The following ERN1 variants were observed in gnomAD, a reference collection of about 807,000 sequenced individuals.
The protein encoded by ERN1 is endoplasmic reticulum to nucleus signaling 1.
In ERN1, 39 loss-of-function variants were observed where a neutral mutation model predicts 113.1. The ratio of observed to expected loss-of-function variants is 0.34; its 90% CI spans 0.27 to 0.45. The LOEUF (loss-of-function observed/expected upper bound fraction) is 0.45, where lower values mean the gene tolerates loss of function less well. Ranked by LOEUF, ERN1 falls within the 20% of genes least tolerant of loss-of-function variation. The pLI is 1.00. For synonymous variants in ERN1, 507 were observed against 515.9 expected, an observed-to-expected ratio of 0.98 and a Z score of 0.23; for missense variants, 976 against 1,274.8, an observed-to-expected ratio of 0.77 and a Z score of 3.57.
At chr17:64,066,282 G>C (rs1343626020) in intron 8 of ERN1, among the ~76,000 whole-genome samples, 1 of 152,098 alleles carries the variant, frequency 6.6e-6, no homozygotes, top group South Asian at 2.1e-4. Context: ...ACTTACACTG[G>C]CAGTCTCTTT....
chr17:64,057,129 G>A (rs1389818532), intron 12 of ERN1, among the ~76,000 whole-genome samples: 1 of 151,908 alleles, frequency 6.6e-6, no homozygotes, highest in Non-Finnish European at 1.5e-5. Flanking sequence ...TCTTTTTTTG[G>A]TTCTTCTCCC....
At chr17:64,088,677 T>A (rs1333983691) in intron 2 of ERN1, among the ~76,000 whole-genome samples, 1 of 152,084 alleles carries the variant, frequency 6.6e-6, no homozygotes, top group Non-Finnish European at 1.5e-5. Context: ...AGAAGGGAGC[T>A]TATGGTTTGA....
intron 20 of ERN1, among the ~76,000 whole-genome samples, 189 bp downstream of exon 20, chr17:64,045,170 C>G (rs914514083): frequency 1.3e-5 from 2 of 152,012 alleles, no homozygotes; most frequent in African/African-American, 4.8e-5. Context: ...TCACCTGTCA[C>G]TCTAGGGAAC....
chr17:64,123,579 T>C (rs1395760087), intron 1 of ERN1, among the ~76,000 whole-genome samples: 1 of 152,154 alleles, frequency 6.6e-6, no homozygotes, highest in Non-Finnish European at 1.5e-5. Context: ...TTAAGGTTAG[T>C]TTTGTTTTTA....
At chr17:64,056,096 G>A in intron 12 of ERN1, 148 bp from the exon 13 acceptor site, 1 of 1,301,568 alleles carries the variant, frequency 7.7e-7, no homozygotes, top group South Asian at 1.6e-5. Context: ...AAGGCACCTG[G>A]AAGCAGAATT....
At chr17:64,067,692 A>G (rs1211772093) in intron 7 of ERN1, among the ~76,000 whole-genome samples, 1 of 152,186 alleles carries the variant, frequency 6.6e-6, no homozygotes, top group Non-Finnish European at 1.5e-5. Flanking sequence ...GAGTCCTCAG[A>G]GAAAAACGAA....
chr17:64,040,149 A>C lies in ERN1; in HGVS notation c.*3839T>G, dbSNP rs185310339. ...GGTGAGGGAAGGGACAAGGAAAAGA[A>C]ACACTGGGAAATTCAAAGAAAGGCA... On this transcript the variant is annotated 3_prime_UTR_variant, in exon 22 of 22. Transcript: ENST00000433197. The C allele has an allele frequency of 6.6e-6, 1 of 152,296 alleles. No individual in the cohort carries two copies. The highest frequency in any genetic ancestry group is 1.5e-5 in the Non-Finnish European group (1 of 68,092). 9.4% of individuals were successfully genotyped at this position (152,296 alleles called of 1,614,324 possible).
In ERN1 at chr17:64,054,576, A is replaced by C; in HGVS notation, c.1764-137T>G. On this transcript the variant is annotated intron_variant, in intron 14 of 21. Transcript: ENST00000433197. This position sits in a 1 kb window ranked among gnomAD's most constrained non-coding sequence, Gnocchi z 4.9. Reference sequence around the variant, plus strand: ...CCGCCTGACTGCCTGGTGGCCCCGGAATCATCGCTTGTCTCAGTGTGCAAG... The same window carrying C: ...CCGCCTGACTGCCTGGTGGCCCCGGCATCATCGCTTGTCTCAGTGTGCAAG... 2.9e-6 allele frequency: 3 copies of C among 1,035,080 alleles called. No individual in the cohort carries two copies. Among genetic ancestry groups the C allele is most frequent in the Non-Finnish European group, 4.2e-6 (3 of 712,500 alleles). 64.1% of individuals were successfully genotyped at this position (1,035,080 alleles called of 1,614,324 possible).
At chr17:64,092,476 GA>G (rs1179315316) in intron 2 of ERN1, among the ~76,000 whole-genome samples, 1 of 152,124 alleles carries the variant, frequency 6.6e-6, no homozygotes, top group Non-Finnish European at 1.5e-5. Flanking sequence ...TGTATACTCA[GA>G]ACCTGGAGTA....
chr17:64,112,108 C>T (rs1439578067), intron 1 of ERN1, among the ~76,000 whole-genome samples: 2 of 152,152 alleles, frequency 1.3e-5, no homozygotes, highest in African/African-American at 4.8e-5. Flanking sequence ...TGGCTCATGC[C>T]TGTAATCCCA....
Position 64,049,259 on chromosome 17 carries a change from C to T in ERN1, c.2254-57G>A, listed in dbSNP as rs1912609579. ...GGAGCAGAGTTTTCATCCTCACTCACAGTCAGGGAGGGAGGAGCATTGCTG... is the reference window on the plus strand; with the variant it reads ...GGAGCAGAGTTTTCATCCTCACTCATAGTCAGGGAGGGAGGAGCATTGCTG... On this transcript the variant is annotated intron_variant, in intron 17 of 21. Coordinates refer to ENST00000433197, the MANE Select transcript of ERN1 (RefSeq NM_001433.5). This position sits in a 1 kb window ranked among gnomAD's most constrained non-coding sequence, Gnocchi z 4.7. 2.0e-6 allele frequency: 3 copies of T among 1,499,136 alleles called. No individual in the cohort carries two copies. The highest frequency in any genetic ancestry group is 1.9e-5 in the Admixed American group (1 of 52,172). The allele number at this position is 1,499,136 out of a possible 1,614,324, so 92.9% of individuals were successfully genotyped here.
chr17:64,054,881 C>T lies in ERN1; in HGVS notation c.1673-53G>A. On this transcript the variant is annotated intron_variant, in intron 13 of 21. Coordinates refer to ENST00000433197, the MANE Select transcript of ERN1 (RefSeq NM_001433.5). This position sits in a 1 kb window ranked among gnomAD's most constrained non-coding sequence, Gnocchi z 4.9. ...TTTCAAACAGATATCACCTAAAGAACCTTGAGGTTAACATAGTGACAAGCT... is the reference window on the plus strand; with the variant it reads ...TTTCAAACAGATATCACCTAAAGAATCTTGAGGTTAACATAGTGACAAGCT... 2.2e-6 allele frequency: 3 copies of T among 1,348,442 alleles called. No individual in the cohort carries two copies. Among genetic ancestry groups the T allele is most frequent in the Non-Finnish European group, 3.1e-6 (3 of 964,848 alleles). 83.5% of individuals were successfully genotyped at this position (1,348,442 alleles called of 1,614,324 possible). A position where few individuals can be genotyped will look rare whatever the true frequency, so the allele number is the denominator to read the frequency against.
intron 9 of ERN1, 58 bp downstream of exon 9, chr17:64,065,151 T>C: frequency 8.0e-7 from 1 of 1,252,392 alleles, no homozygotes; most frequent in Non-Finnish European, 1.1e-6. Context: ...AAAGTCATTC[T>C]TTGCTAAAAT....
rs758628467 is a variant in ERN1, at chr17:64,044,921, C to T, written c.2660G>A (p.Arg887His). 17 of 1,588,210 alleles carry T rather than the reference C, an allele frequency of 1.1e-5. No individual in the cohort carries two copies. Among genetic ancestry groups the T allele is most frequent in the Middle Eastern group, 1.7e-4 (1 of 6,054 alleles). The change falls in exon 21 of 22, where the codon CGT (arginine) becomes CAT (histidine). Residue 887 changes from arginine to histidine, a missense_variant. Coordinates refer to ENST00000433197, the MANE Select transcript of ERN1 (RefSeq NM_001433.5). The surrounding 1 kb of genome is among the most constrained non-coding windows in gnomAD (Gnocchi z 4.1). ...NITVPLQTDL[R>H]KFRTYKGGSV... is the part of the protein sequence containing the mutation. The stretch of plus-strand genomic sequence containing the variant: ...ACCACCTTTATAGGTCCTGAATTTA[C>T]GCAGGTCTAGAAAAACATTGAGGGA...
chr17:64,079,997 A>T (rs189623835), intron 3 of ERN1, among the ~76,000 whole-genome samples: 332 of 152,324 alleles, frequency 2.2e-3, no homozygotes, highest in Non-Finnish European at 1.3e-3. Flanking sequence ...ACCATAGAAG[A>T]CAAATTATCA....
At chr17:64,121,402 C>T (rs1403432914) in intron 1 of ERN1, among the ~76,000 whole-genome samples, 8 of 152,144 alleles carry the variant, frequency 5.3e-5, no homozygotes, top group African/African-American at 9.7e-5. Flanking sequence ...TATGACTAGG[C>T]GAGATGTTAC....
chr17:64,056,454 G>A (rs976849508), intron 12 of ERN1, among the ~76,000 whole-genome samples: 2 of 152,214 alleles, frequency 1.3e-5, no homozygotes, highest in African/African-American at 4.8e-5. Flanking sequence ...TTCTAGGTAT[G>A]CAGAGTACAT....
intron 2 of ERN1, among the ~76,000 whole-genome samples, chr17:64,081,460 GTTATA>G (rs1913766255): frequency 1.3e-5 from 2 of 152,188 alleles, no homozygotes; most frequent in Non-Finnish European, 2.9e-5. Flanking sequence ...ATATGGTTAA[GTTATA>G]GAATGTCCAC....
At chr17:64,113,429 CAG>C (rs1914723229) in intron 1 of ERN1, among the ~76,000 whole-genome samples, 1 of 152,132 alleles carries the variant, frequency 6.6e-6, no homozygotes, top group Non-Finnish European at 1.5e-5. Context: ...CAAGTATTCG[CAG>C]AGTTAAACAT....
Sources: allele counts gnomAD v4.1 joint callset (sites outside exome capture counted in the v4.1 genomes callset), GRCh38; gene constraint gnomAD v4.1.1; non-coding constraint Gnocchi (gnomAD v3.1); transcripts MANE v1.5; gene names NCBI Gene and HGNC (gene_info 2026-07-23, HGNC 2026-07-21).